The following PCDH9 variants were observed in gnomAD, a reference collection of about 807,000 sequenced individuals.
PCDH9 encodes the protein protocadherin-9.
PCDH9 carries 24 observed loss-of-function variants against 70.6 expected under a neutral mutation model. The ratio of observed to expected loss-of-function variants is 0.34; its 90% CI spans 0.25 to 0.48. The LOEUF is 0.48. PCDH9 is among the 20% of genes least tolerant of loss of function. The pLI is 0.99. For synonymous variants in PCDH9, 562 were observed against 558.5 expected (o/e 1.01, Z -0.09); for missense variants, 1,281 against 1,503.6 (o/e 0.85, Z 2.45).
intron 3 of PCDH9, among the ~76,000 whole-genome samples, chr13:66,678,810 A>G (rs564021533): frequency 6.6e-6 from 1 of 152,072 alleles, no homozygotes; most frequent in Non-Finnish European, 1.5e-5. Context: ...TTCTGAAAAA[A>G]GAAAACAAAA....
At chr13:66,526,992 C>T (rs560260924) in intron 4 of PCDH9, among the ~76,000 whole-genome samples, 2 of 152,126 alleles carry the variant, frequency 1.3e-5, no homozygotes, top group Non-Finnish European at 2.9e-5. Flanking sequence ...AGGTAGGCCA[C>T]GAAGTGGCTG....
intron 2 of PCDH9, among the ~76,000 whole-genome samples, chr13:66,962,269 A>G (rs994413568): frequency 6.6e-6 from 1 of 152,234 alleles, no homozygotes; most frequent in Non-Finnish European, 1.5e-5. Flanking sequence ...TCACTCTCCT[A>G]GATCCACAGT....
Position 66,714,418 on chromosome 13 carries a change from C to A in PCDH9, c.3139-83007G>T, listed in dbSNP as rs543343460. Reference sequence around the variant, plus strand: ...GGTGGAGCTTGCAGTGAGCCAAGATCGTGCCACTGCACTCCAGCCTGGGTG... The same window carrying A: ...GGTGGAGCTTGCAGTGAGCCAAGATAGTGCCACTGCACTCCAGCCTGGGTG... On this transcript the variant is annotated intron_variant, in intron 3 of 4. Coordinates refer to ENST00000377865, the MANE Select transcript of PCDH9 (RefSeq NM_203487.3). Among the ~76,000 whole-genome samples, 6 of 150,612 alleles carry A rather than the reference C, an allele frequency of 4.0e-5. No individual in the cohort carries two copies. The South Asian group carries it at 1.3e-3, about 32-fold the overall frequency.
intron 3 of PCDH9, among the ~76,000 whole-genome samples, chr13:66,851,837 A>G (rs1224284849): frequency 6.6e-6 from 1 of 152,168 alleles, no homozygotes; most frequent in Non-Finnish European, 1.5e-5. Flanking sequence ...GGTGGCTTAA[A>G]AAACAGAAAT....
chr13:67,044,823 A>C (rs1258886306), intron 2 of PCDH9, among the ~76,000 whole-genome samples: 1 of 152,166 alleles, frequency 6.6e-6, no homozygotes, highest in Non-Finnish European at 1.5e-5. Flanking sequence ...AGAGAAAATG[A>C]ATGAAATGGG....
At chr13:66,896,499 C>A (rs911192018) in intron 3 of PCDH9, among the ~76,000 whole-genome samples, 2 of 152,062 alleles carry the variant, frequency 1.3e-5, no homozygotes, top group African/African-American at 2.4e-5. Context: ...TTAACATTTA[C>A]ATACATATGC....
intron 4 of PCDH9, among the ~76,000 whole-genome samples, chr13:66,318,964 A>G (rs895563825): frequency 6.6e-6 from 1 of 152,166 alleles, no homozygotes; most frequent in Non-Finnish European, 1.5e-5. Context: ...GGATATCTAC[A>G]CTTCAGTAAG....
At position 66,890,675 on chromosome 13, in the gene PCDH9, G is replaced by A. The variant is rs575739920; in HGVS notation, c.3138+12829C>T. On this transcript the variant is annotated intron_variant, in intron 3 of 4. Coordinates refer to ENST00000377865, the MANE Select transcript of PCDH9 (RefSeq NM_203487.3). ...GCAAGAGCCGAACTTTGATAAAAAGGCAATTAGCAAACTCAAATGGCCTAA... is the reference window on the plus strand; with the variant it reads ...GCAAGAGCCGAACTTTGATAAAAAGACAATTAGCAAACTCAAATGGCCTAA... Among the ~76,000 whole-genome samples, 7 of 152,030 alleles carry A rather than the reference G, an allele frequency of 4.6e-5. No homozygotes were observed. The South Asian group carries it at 1.5e-3, about 32-fold the overall frequency.
intron 4 of PCDH9, among the ~76,000 whole-genome samples, chr13:66,397,731 A>T (rs868577490): frequency 5.3e-5 from 8 of 151,686 alleles, no homozygotes; most frequent in African/African-American, 1.9e-4. Flanking sequence ...GGTGTGTCAA[A>T]CTGCTCTAAA....
intron 2 of PCDH9, among the ~76,000 whole-genome samples, chr13:67,094,678 T>C (rs1023554857): frequency 1.3e-5 from 2 of 150,632 alleles, no homozygotes; most frequent in African/African-American, 2.4e-5. Flanking sequence ...TTTTTTTTTT[T>C]CGGTCTTCAT....
chr13:67,034,801 CA>C (rs565385411), intron 2 of PCDH9, among the ~76,000 whole-genome samples: 18 of 150,574 alleles, frequency 1.2e-4, no homozygotes, highest in African/African-American at 4.4e-4. Flanking sequence ...TTAGTCTGTT[CA>C]AAAATTGTTT....
intron 3 of PCDH9, among the ~76,000 whole-genome samples, chr13:66,775,487 AT>A (rs912529083): frequency 1.3e-5 from 2 of 151,994 alleles, no homozygotes; most frequent in Non-Finnish European, 2.9e-5. Flanking sequence ...TTGTACATGG[AT>A]TTCCTTTTGC....
At chr13:66,406,240 C>T (rs954908968) in intron 4 of PCDH9, among the ~76,000 whole-genome samples, 5 of 152,130 alleles carry the variant, frequency 3.3e-5, no homozygotes, top group Non-Finnish European at 7.3e-5. Context: ...CACCTTTGTT[C>T]TGACAAGTAG....
intron 2 of PCDH9, among the ~76,000 whole-genome samples, chr13:67,076,430 A>G (rs1362020696): frequency 6.6e-6 from 1 of 152,208 alleles, no homozygotes; most frequent in Admixed American, 6.6e-5. Flanking sequence ...AAGAAGTTTC[A>G]TTCAGTAGAA....
At chr13:66,765,866 C>A (rs1284568254) in intron 3 of PCDH9, among the ~76,000 whole-genome samples, 1 of 151,826 alleles carries the variant, frequency 6.6e-6, no homozygotes, top group African/African-American at 2.4e-5. Context: ...AGAAATGGAC[C>A]AAGACTAGGT....
chr13:66,344,434 AT>A (rs1392790434), intron 4 of PCDH9, among the ~76,000 whole-genome samples: 4 of 152,084 alleles, frequency 2.6e-5, no homozygotes, highest in African/African-American at 9.7e-5. Flanking sequence ...CCAATAAAGT[AT>A]TTTTAACTCT....
intron 4 of PCDH9, among the ~76,000 whole-genome samples, chr13:66,356,210 A>G (rs1177160308): frequency 6.6e-6 from 1 of 152,130 alleles, no homozygotes; most frequent in African/African-American, 2.4e-5. Context: ...GTTTGAATGG[A>G]CACTTTTCAA....
chr13:67,219,888 T>C (rs1223530250), intron 2 of PCDH9: 1 of 152,018 alleles, frequency 6.6e-6, no homozygotes, highest in East Asian at 1.9e-4. Flanking sequence ...CCAAACTAAA[T>C]TCAAAGAAAG....
chr13:66,598,409 G>T (rs2077127907), intron 4 of PCDH9, among the ~76,000 whole-genome samples: 1 of 151,744 alleles, frequency 6.6e-6, no homozygotes, highest in African/African-American at 2.4e-5. Flanking sequence ...TTCAAATATT[G>T]TAACAGTTTA....
Sources: allele counts gnomAD v4.1 joint callset (sites outside exome capture counted in the v4.1 genomes callset), GRCh38; gene constraint gnomAD v4.1.1; transcripts MANE v1.5; gene names NCBI Gene and HGNC (gene_info 2026-07-23, HGNC 2026-07-21).